Variants in GRIP1 observed in about 807,000 individuals in gnomAD.
The protein encoded by GRIP1 is glutamate receptor interacting protein 1.
In GRIP1, 45 loss-of-function variants were observed where a neutral mutation model predicts 129.9. The observed-to-expected ratio is 0.35, with a 90% confidence interval of 0.27 to 0.44. GRIP1 has a LOEUF of 0.44. Among genes scored for constraint, GRIP1 ranks in the 20% least tolerant of loss-of-function variants. The pLI, the probability that GRIP1 is intolerant of heterozygous loss-of-function variation, is 1.00. For missense variants in GRIP1, 1,196 were observed against 1,396.8 expected (o/e 0.86, Z 2.29); for synonymous variants, 530 against 520.8 (o/e 1.02, Z -0.24).
chr12:66,605,015 T>G (rs995549310), intron 1 of GRIP1, among the ~76,000 whole-genome samples: 6 of 150,508 alleles, frequency 4.0e-5, no homozygotes, highest in African/African-American at 7.4e-5. Context: ...TTTCTCCATT[T>G]TTTTTTAACT....
chr12:66,909,048 C>G (rs1180850820), intron 1 of GRIP1, among the ~76,000 whole-genome samples: 1 of 152,218 alleles, frequency 6.6e-6, no homozygotes, highest in African/African-American at 2.4e-5. Flanking sequence ...ATTATGCTCT[C>G]TTTACATTTG....
chr12:67,001,883 G>A (rs778156219), intron 1 of GRIP1, among the ~76,000 whole-genome samples: 3 of 152,074 alleles, frequency 2.0e-5, no homozygotes, highest in Non-Finnish European at 4.4e-5. Flanking sequence ...AGCATGTCCA[G>A]CATATCACAC....
At chr12:66,690,268 G>C (rs2034934627) in intron 1 of GRIP1, among the ~76,000 whole-genome samples, 1 of 151,688 alleles carries the variant, frequency 6.6e-6, no homozygotes. Context: ...ATATAATATT[G>C]GTCTTTCTGT....
intron 1 of GRIP1, among the ~76,000 whole-genome samples, chr12:66,611,636 A>G (rs2064796283): frequency 6.6e-6 from 1 of 152,204 alleles, no homozygotes; most frequent in Non-Finnish European, 1.5e-5. Context: ...AGATTGATGT[A>G]TAGCCACTAA....
chr12:66,445,591 T>G, intron 11 of GRIP1, 83 bp from the exon 12 acceptor site: 1 of 993,872 alleles, frequency 1.0e-6, no homozygotes, highest in Non-Finnish European at 1.5e-6. Context: ...ATCATGTCTC[T>G]GCATAAAAAC....
intron 2 of GRIP1, among the ~76,000 whole-genome samples, chr12:66,594,639 CCAGGAGTGGTCAGGAGACCACTT>C (rs1180938215): frequency 2.2e-4 from 33 of 152,252 alleles, no homozygotes; most frequent in African/African-American, 7.9e-4. Flanking sequence ...CCAGCTTAGT[CCAGGAGTGGTCAGGAGACCACTT>C]CAGGATTTTT....
intron 1 of GRIP1, among the ~76,000 whole-genome samples, chr12:66,610,329 A>G (rs564170251): frequency 2.4e-4 from 37 of 152,254 alleles, no homozygotes; most frequent in African/African-American, 7.9e-4. Flanking sequence ...ACATGTATCT[A>G]TTTATAAGCA....
intron 1 of GRIP1, among the ~76,000 whole-genome samples, chr12:67,006,796 T>C (rs760075213): frequency 1.3e-5 from 2 of 152,122 alleles, no homozygotes; most frequent in Non-Finnish European, 2.9e-5. Context: ...GTGTGTTGCT[T>C]TTCCGTTTAC....
At chr12:66,511,094 T>C (rs755136278) in intron 7 of GRIP1, among the ~76,000 whole-genome samples, 9 of 152,148 alleles carry the variant, frequency 5.9e-5, no homozygotes, top group Admixed American at 2.0e-4. Flanking sequence ...TGGGAGGTAA[T>C]TGAATCATGG....
At chr12:66,394,470 AAAT>A (rs1323734233) in intron 16 of GRIP1, 118 bp from the exon 17 acceptor site, 2 of 868,386 alleles carry the variant, frequency 2.3e-6, no homozygotes, top group African/African-American at 3.4e-5. Flanking sequence ...ATGTCACAGA[AAAT>A]AATTATTTTG....
chr12:66,961,204 T>G (rs1301989060), intron 1 of GRIP1, among the ~76,000 whole-genome samples: 1 of 151,964 alleles, frequency 6.6e-6, no homozygotes, highest in Non-Finnish European at 1.5e-5. Flanking sequence ...CTCATGTTCC[T>G]GAAGAGCAGA....
intron 7 of GRIP1, among the ~76,000 whole-genome samples, chr12:66,486,979 C>T (rs2059972933): frequency 6.6e-6 from 1 of 151,980 alleles, no homozygotes; most frequent in South Asian, 2.1e-4. Flanking sequence ...TTAATAGAAA[C>T]AGGGTTTTAC....
At chr12:66,852,794 A>C (rs2039937313) in intron 1 of GRIP1, among the ~76,000 whole-genome samples, 1 of 151,946 alleles carries the variant, frequency 6.6e-6, no homozygotes, top group African/African-American at 2.4e-5. Context: ...ATTCCCATGT[A>C]TTTCTCCTAA....
intron 23 of GRIP1, among the ~76,000 whole-genome samples, chr12:66,369,353 T>C (rs1479557053): frequency 6.7e-6 from 1 of 149,716 alleles, no homozygotes; most frequent in Non-Finnish European, 1.5e-5. Flanking sequence ...TTTTTTTTTT[T>C]TTTTTTTTTT....
intron 6 of GRIP1, among the ~76,000 whole-genome samples, chr12:66,516,524 C>A (rs147019507): frequency 6.6e-6 from 1 of 152,248 alleles, no homozygotes; most frequent in Non-Finnish European, 1.5e-5. Flanking sequence ...CTAGTTCACT[C>A]TCTAAGTCTT....
chr12:66,770,966 G>T (rs148270731), intron 1 of GRIP1, among the ~76,000 whole-genome samples: 39 of 152,188 alleles, frequency 2.6e-4, no homozygotes, highest in Middle Eastern at 3.4e-3. Context: ...ATGGTGGTGC[G>T]CCTGTAATCC....
At chr12:66,687,840 T>C in intron 1 of GRIP1, among the ~76,000 whole-genome samples, 1 of 152,156 alleles carries the variant, frequency 6.6e-6, no homozygotes, top group Non-Finnish European at 1.5e-5. Flanking sequence ...AAGTGGAACA[T>C]ACAATCCCTT....
intron 7 of GRIP1, among the ~76,000 whole-genome samples, chr12:66,500,485 A>G (rs117134671): frequency 0.012 from 1,795 of 152,298 alleles, 42 homozygotes; most frequent in East Asian, 0.1. Context: ...TCTTTATTTT[A>G]TAACTAACAG....
chr12:66,478,497 A>C (rs2059693923), intron 7 of GRIP1, among the ~76,000 whole-genome samples: 1 of 152,144 alleles, frequency 6.6e-6, no homozygotes, highest in Non-Finnish European at 1.5e-5. Flanking sequence ...CGAACTAGAA[A>C]TACCATTTGA....
Sources: gnomAD v4.1 joint callset for allele counts (sites outside exome capture counted in the v4.1 genomes callset) on GRCh38, gnomAD v4.1.1 for gene constraint, MANE v1.5 for transcripts, NCBI Gene and HGNC (gene_info 2026-07-23, HGNC 2026-07-21) for gene names.